Variants in CDC34 observed in about 807,000 individuals in gnomAD.
CDC34 encodes the protein ubiquitin-conjugating enzyme E2 R1.
Under a neutral mutation model 26.8 loss-of-function variants are expected in CDC34, and 18 were observed. That is an observed-to-expected ratio of 0.67 (90% CI 0.47 to 1.00). The LOEUF (loss-of-function observed/expected upper bound fraction) is 1.00, where lower values mean the gene tolerates loss of function less well. CDC34 is among the 50% of genes least tolerant of loss of function. CDC34 has a pLI of 0.00. For missense variants in CDC34, 280 were observed against 334.5 expected, an observed-to-expected ratio of 0.84 and a Z score of 1.27; for synonymous variants, 178 against 147.5, an observed-to-expected ratio of 1.21 and a Z score of -1.50.
At chr19:539,511 G>C (rs914248733) in intron 4 of CDC34, among the ~76,000 whole-genome samples, 6 of 152,234 alleles carry the variant, frequency 3.9e-5, no homozygotes, top group African/African-American at 1.4e-4. Flanking sequence ...ACGTCCCTGA[G>C]GCCAGACGCC....
chr19:532,255 G>T (rs1979523776), intron 1 of CDC34, 147 bp downstream of exon 1: 5 of 561,408 alleles, frequency 8.9e-6, no homozygotes, highest in Middle Eastern at 4.6e-4. Context: ...CTATGGCCAC[G>T]TTCCCCCACC....
intron 2 of CDC34, 149 bp downstream of exon 2, chr19:536,072 T>TCATCCTTC (rs1197303752): frequency 2.3e-6 from 2 of 883,986 alleles, no homozygotes; most frequent in Admixed American, 4.5e-5. Context: ...CCTCACGTCC[T>TCATCCTTC]CGTCCTTCCG....
intron 4 of CDC34, chr19:538,884 G>A: frequency 4.1e-6 from 4 of 985,368 alleles, no homozygotes; most frequent in East Asian, 1.1e-4. Context: ...CGTCCCTCTG[G>A]TGCAGATGTC....
In CDC34 at chr19:541,518, A is replaced by C; in HGVS notation, c.677A>C (p.Asp226Ala). ...VEEEADSCFG[D>A]DEDDSGTEES ...GAGGAGGCCGACAGCTGCTTCGGGG[A>C]CGATGAGGATGACTCTGGCACGGAG... The change falls in exon 5 of 5, where the codon GAC becomes GCC. Residue 226 changes from aspartate to alanine, a missense_variant. Coordinates refer to ENST00000215574, the MANE Select transcript of CDC34 (RefSeq NM_004359.2). 1 of 1,606,912 alleles carries C rather than the reference A, an allele frequency of 6.2e-7. No homozygotes were observed. The highest frequency in any genetic ancestry group is 8.5e-7 in the Non-Finnish European group (1 of 1,175,870).
Position 531,944 on chromosome 19 carries a change from C to G in CDC34, c.13C>G (p.Leu5Val). 1 of 1,455,762 alleles carries G rather than the reference C, an allele frequency of 6.9e-7. No homozygotes were observed. The highest frequency in any genetic ancestry group is 9.0e-7 in the Non-Finnish European group (1 of 1,108,142). The allele number at this position is 1,455,762 out of a possible 1,614,324, so 90.2% of individuals were successfully genotyped here. A position where few individuals can be genotyped will look rare whatever the true frequency, so the allele number is the denominator to read the frequency against. The part of the protein sequence containing the change: MARP[L>V]VPSSQKALLL... ...CTCCGCCGCCGCCATGGCTCGGCCG[C>G]TAGTGCCCAGCTCGCAGAAGGCGCT... Residue 5 changes from leucine (L) to valine (V), a missense_variant, in exon 1 of 5, where the codon CTA (leucine) becomes GTA (valine). Coordinates refer to ENST00000215574, the MANE Select transcript of CDC34 (RefSeq NM_004359.2).
intron 4 of CDC34, among the ~76,000 whole-genome samples, chr19:538,302 G>GTACC (rs16990892): frequency 0.012 from 1,797 of 152,370 alleles, 20 homozygotes; most frequent in South Asian, 0.021. Flanking sequence ...GGCGCCTTCT[G>GTACC]TACCTGCAGT....
At chr19:541,191 C>T (rs560198662) in intron 4 of CDC34, 148 bp from the exon 5 acceptor site, 40 of 1,040,244 alleles carry the variant, frequency 3.8e-5, no homozygotes, top group South Asian at 3.8e-4. Flanking sequence ...GAGTTCCTCA[C>T]GCACAGGGCT....
chr19:537,845 T>A (rs1979832479), intron 4 of CDC34, among the ~76,000 whole-genome samples: 1 of 149,322 alleles, frequency 6.7e-6, no homozygotes, highest in African/African-American at 2.5e-5. Flanking sequence ...TTAGTAGAGG[T>A]GGGATTTCAC....
intron 2 of CDC34, 25 bp from the exon 3 acceptor site, chr19:536,218 T>C: frequency 6.3e-7 from 1 of 1,582,540 alleles, no homozygotes; most frequent in Non-Finnish European, 8.6e-7. Flanking sequence ...TCTGACCTGT[T>C]CTGACCTGTC....
chr19:531,952 C>G lies in CDC34; in HGVS notation c.21C>G (p.Pro7=). 1 of 1,466,598 alleles carries G rather than the reference C, an allele frequency of 6.8e-7. No individual in the cohort carries two copies. The highest frequency in any genetic ancestry group is 9.0e-7 in the Non-Finnish European group (1 of 1,113,124). The allele number at this position is 1,466,598 out of a possible 1,614,324, so 90.8% of individuals were successfully genotyped here. A position where few individuals can be genotyped will look rare whatever the true frequency, so the allele number is the denominator to read the frequency against. MARPLV[P]SSQKALLLEL... ...CCGCCATGGCTCGGCCGCTAGTGCC[C>G]AGCTCGCAGAAGGCGCTGCTGCTGG... Residue 7 remains proline (P), a synonymous_variant, in exon 1 of 5, where the codon CCC becomes CCG. Coordinates refer to ENST00000215574, the MANE Select transcript of CDC34 (RefSeq NM_004359.2).
rs16989755 is a variant in CDC34 at position 531,818 on chromosome 19, G to C, written c.-114G>C. 44 of 459,414 alleles carry C rather than the reference G, an allele frequency of 9.6e-5. 2 individuals are homozygous for C. The South Asian group carries it at 3.8e-3, about 39-fold the overall frequency. The allele number at this position is 459,414 out of a possible 1,614,324, so 28.5% of individuals were successfully genotyped here. A position where few individuals can be genotyped will look rare whatever the true frequency, so the allele number is the denominator to read the frequency against. On this transcript the variant is annotated 5_prime_UTR_variant, in exon 1 of 5. Transcript: ENST00000215574. Reference sequence around the variant, plus strand: ...CGGCGGCGGCGCAGAGGAGGAGGCAGGCGGCGGCCCCGGTGGCTCCCCCCC... The same window carrying C: ...CGGCGGCGGCGCAGAGGAGGAGGCACGCGGCGGCCCCGGTGGCTCCCCCCC...
At chr19:536,510 AGG>A (rs779423569) in intron 3 of CDC34, 170 bp downstream of exon 3, 3 of 602,642 alleles carry the variant, frequency 5.0e-6, no homozygotes, top group Non-Finnish European at 8.8e-6. Flanking sequence ...CCTGCACGGT[AGG>A]TGCTTTCACG....
At chr19:536,375 C>T (rs768470069) in intron 3 of CDC34, 35 bp downstream of exon 3, 2 of 1,504,698 alleles carry the variant, frequency 1.3e-6, no homozygotes, top group African/African-American at 3.2e-5. Flanking sequence ...CCACCCAGAA[C>T]ATCAGGTAGG....
chr19:537,651 C>CTTTTTTT (rs773623358), intron 4 of CDC34, among the ~76,000 whole-genome samples: 8,980 of 66,854 alleles, frequency 0.13, 1,362 homozygotes, highest in East Asian at 0.28. Flanking sequence ...CGCGGCCGGC[C>CTTTTTTT]TTTTTTTTTT....
At chr19:539,142 C>T (rs1239036221) in intron 4 of CDC34, 8 of 499,640 alleles carry the variant, frequency 1.6e-5, no homozygotes, top group East Asian at 3.0e-4. Flanking sequence ...GCCCAAGTCC[C>T]GCTGAGCTGT....
Position 531,944 on chromosome 19 carries a change from C to A in CDC34, c.13C>A (p.Leu5Ile). 5 of 1,455,762 alleles carry A rather than the reference C, an allele frequency of 3.4e-6. No individual in the cohort carries two copies. The highest frequency in any genetic ancestry group is 4.5e-6 in the Non-Finnish European group (5 of 1,108,142). 90.2% of individuals were successfully genotyped at this position (1,455,762 alleles called of 1,614,324 possible). A position where few individuals can be genotyped will look rare whatever the true frequency, so the allele number is the denominator to read the frequency against. The change falls in exon 1 of 5, where the codon CTA becomes ATA. Residue 5 changes from leucine to isoleucine, a missense_variant. Coordinates refer to ENST00000215574, the MANE Select transcript of CDC34 (RefSeq NM_004359.2). MARP[L>I]VPSSQKALLL... ...CTCCGCCGCCGCCATGGCTCGGCCG[C>A]TAGTGCCCAGCTCGCAGAAGGCGCT... is the stretch of plus-strand genomic sequence containing the variant.
intron 4 of CDC34, among the ~76,000 whole-genome samples, chr19:539,273 C>G (rs1600429195): frequency 6.6e-6 from 1 of 152,056 alleles, no homozygotes; most frequent in Non-Finnish European, 1.5e-5. Context: ...CGGTGCAGGT[C>G]AGTTCCCACC....
intron 4 of CDC34, 56 bp downstream of exon 4, chr19:537,203 G>A (rs950792313): frequency 4.6e-5 from 74 of 1,594,322 alleles, no homozygotes; most frequent in Admixed American, 3.6e-4. Context: ...CCTGCACCCC[G>A]GCCCCTGGTC....
chr19:532,220 CTCCT>C, intron 1 of CDC34, 112 bp downstream of exon 1: 1 of 855,150 alleles, frequency 1.2e-6, no homozygotes, highest in Non-Finnish European at 1.7e-6. Context: ...GCCCCGAAGC[CTCCT>C]GGCTTGGGCT....
Sources: gnomAD v4.1 joint callset for allele counts (sites outside exome capture counted in the v4.1 genomes callset) on GRCh38, gnomAD v4.1.1 for gene constraint, MANE v1.5 for transcripts, NCBI Gene and HGNC (gene_info 2026-07-23, HGNC 2026-07-21) for gene names.